The following EPDR1 variants were observed in gnomAD, a reference collection of about 807,000 sequenced individuals.
EPDR1 encodes ependymin related 1, also known as mammalian ependymin-related protein 1.
EPDR1 carries 27 observed loss-of-function variants against 23.7 expected under a neutral mutation model. The observed-to-expected ratio is 1.14, with a 90% CI of 0.84 to 1.57. The LOEUF (loss-of-function observed/expected upper bound fraction) is 1.57. EPDR1 is among the 40% of genes most tolerant of loss of function. The probability of loss-of-function intolerance (pLI) is 0.00; values close to 1 mark genes in which losing one functional copy is unlikely to be tolerated. For synonymous variants in EPDR1, 137 were observed against 118.2 expected, an observed-to-expected ratio of 1.16 and a Z score of -1.03; for missense variants, 349 against 290.4, an observed-to-expected ratio of 1.20 and a Z score of -1.47.
intron 1 of EPDR1, among the ~76,000 whole-genome samples, chr7:37,927,041 G>A (rs1369128071): frequency 3.9e-5 from 6 of 152,172 alleles, no homozygotes; most frequent in Non-Finnish European, 8.8e-5. Flanking sequence ...TTCCGGCACA[G>A]CAAGATATTT....
chr7:37,925,683 T>G (rs1438504328), intron 1 of EPDR1, among the ~76,000 whole-genome samples: 3 of 152,182 alleles, frequency 2.0e-5, no homozygotes, highest in Non-Finnish European at 4.4e-5. Context: ...GTCCTCAACA[T>G]TGCAGAACCT....
At chr7:37,941,531 C>T (rs994552291) in intron 1 of EPDR1, among the ~76,000 whole-genome samples, 1 of 152,132 alleles carries the variant, frequency 6.6e-6, no homozygotes, top group Non-Finnish European at 1.5e-5. Flanking sequence ...CGAAAAGAGC[C>T]TTTAGACTTC....
Position 37,920,691 on chromosome 7 carries a change from A to G in EPDR1, c.-249A>G, listed in dbSNP as rs748156711. On this transcript the variant is annotated 5_prime_UTR_variant, in exon 1 of 3. Coordinates refer to ENST00000199448, the MANE Select transcript of EPDR1 (RefSeq NM_017549.5). The stretch of plus-strand genomic sequence containing the variant: ...GTGGCAGCAGGCAGTGGCAGCAGGC[A>G]GTGGCCCAGGCAGAAATAGCTCCCG... 2 of 1,486,582 alleles carry G rather than the reference A, an allele frequency of 1.3e-6. No homozygotes were observed. The highest frequency in any genetic ancestry group is 4.7e-5 in the East Asian group (2 of 42,468). The allele number at this position is 1,486,582 out of a possible 1,614,324, so 92.1% of individuals were successfully genotyped here.
Position 37,950,650 on chromosome 7 carries a change from T to A in EPDR1, c.*254T>A, listed in dbSNP as rs149521394. On this transcript the variant is annotated 3_prime_UTR_variant, in exon 3 of 3. Transcript: ENST00000199448. ...ATATGGACACTTTGGGTATTTCTAA[T>A]GCCTGTTCAGGGCTGGTTTTCTGCA... 3.7e-4 allele frequency: 170 copies of A among 460,894 alleles called. 1 individual carries two copies. Among genetic ancestry groups the A allele is most frequent in the African/African-American group, 2.9e-3 (151 of 52,066 alleles). The allele number at this position is 460,894 out of a possible 1,614,324, so 28.6% of individuals were successfully genotyped here. A position where few individuals can be genotyped will look rare whatever the true frequency, so the allele number is the denominator to read the frequency against.
Position 37,920,913 on chromosome 7 carries a change from C to G in EPDR1, c.-27C>G, listed in dbSNP as rs1785678604. 5.6e-6 allele frequency: 9 copies of G among 1,610,730 alleles called. No individual in the cohort carries two copies. The highest frequency in any genetic ancestry group is 7.6e-6 in the Non-Finnish European group (9 of 1,179,124). Reference sequence around the variant, plus strand: ...CAGCGCCCCCTTGGGCTTGGGCTTGCCCTCGGGCCGGGGAAGGCTGACCGC... The same window carrying G: ...CAGCGCCCCCTTGGGCTTGGGCTTGGCCTCGGGCCGGGGAAGGCTGACCGC... On this transcript the variant is annotated 5_prime_UTR_variant, in exon 1 of 3. Transcript: ENST00000199448.
In EPDR1 at chr7:37,920,981, G is replaced by T. The variant is rs754882214; in HGVS notation, c.42G>T (p.Leu14=). The T allele has an allele frequency of 3.9e-5, 60 of 1,554,802 alleles. No homozygotes were observed. The highest frequency in any genetic ancestry group is 4.9e-5 in the Non-Finnish European group (56 of 1,153,792). Residue 14 remains leucine (L), a synonymous_variant, in exon 1 of 3, where the codon CTG becomes CTT. Coordinates refer to ENST00000199448, the MANE Select transcript of EPDR1 (RefSeq NM_017549.5). ...CCCTCCGCACCGTCCCGGGCGCCCT[G>T]GGTGCCTGGCTGCTGGGCGGCCTCT... is the stretch of plus-strand genomic sequence containing the variant. ...RAPLRTVPGA[L]GAWLLGGLWA... is the part of the protein sequence containing the mutation.
intron 1 of EPDR1, among the ~76,000 whole-genome samples, chr7:37,923,622 G>C (rs891705951): frequency 6.6e-6 from 1 of 152,128 alleles, no homozygotes; most frequent in Non-Finnish European, 1.5e-5. Context: ...TGCTGAAGCA[G>C]AGGAGTGTGT....
In EPDR1 at chr7:37,921,143, C is replaced by T. The variant is rs778559607; in HGVS notation, c.204C>T (p.Ser68=). ...GGCGCAACAGCCGCGCCCTGCTCTC[C>T]TACGACGGGCTCAACCAGCGCGTGC... ...SSGRNSRALL[S]YDGLNQRVRV... The change falls in exon 1 of 3, where the codon TCC becomes TCT. Residue 68 remains serine (S), a synonymous_variant. Coordinates refer to ENST00000199448, the MANE Select transcript of EPDR1 (RefSeq NM_017549.5). The T allele has an allele frequency of 3.1e-6, 5 of 1,596,728 alleles. No individual in the cohort carries two copies. Among genetic ancestry groups the T allele is most frequent in the Non-Finnish European group, 4.2e-6 (5 of 1,179,030 alleles).
chr7:37,923,601 C>T (rs935839779), intron 1 of EPDR1, among the ~76,000 whole-genome samples: 8 of 151,712 alleles, frequency 5.3e-5, no homozygotes, highest in African/African-American at 1.2e-4. Flanking sequence ...CTGGGATGGC[C>T]GAGAGCACAC....
Position 37,921,163 on chromosome 7 carries a change from G to C in EPDR1, c.224G>C (p.Arg75Pro). ...CTCTCCTACGACGGGCTCAACCAGC[G>C]CGTGCGGGTGCTGGACGAGAGGAAG... ...ALLSYDGLNQ[R>P]VRVLDERKAL... The change falls in exon 1 of 3, where the codon CGC (arginine) becomes CCC (proline). Residue 75 changes from arginine (R) to proline (P), a missense_variant. Physicochemically the swap from Arg to Pro is moderately radical, Grantham distance 103. Coordinates refer to ENST00000199448, the MANE Select transcript of EPDR1 (RefSeq NM_017549.5). The C allele has an allele frequency of 6.3e-7, 1 of 1,594,678 alleles. No homozygotes were observed. Among genetic ancestry groups the C allele is most frequent in the Non-Finnish European group, 8.5e-7 (1 of 1,178,316 alleles).
rs540067696 is a variant in EPDR1, at chr7:37,936,802, C to A, written c.270-12038C>A. Among the ~76,000 whole-genome samples, 4 of 152,092 alleles carry A rather than the reference C, an allele frequency of 2.6e-5. No individual in the cohort carries two copies. The South Asian group carries it at 8.3e-4, about 32-fold the overall frequency. Reference sequence around the variant, plus strand: ...TGTATAGGAAAAAATTTAAACACCCCTTTTTTGGAGTGATAGGATGATTCA... The same window carrying A: ...TGTATAGGAAAAAATTTAAACACCCATTTTTTGGAGTGATAGGATGATTCA... On this transcript the variant is annotated intron_variant, in intron 1 of 2. Coordinates refer to ENST00000199448, the MANE Select transcript of EPDR1 (RefSeq NM_017549.5).
chr7:37,930,614 C>T (rs1259372232), intron 1 of EPDR1, among the ~76,000 whole-genome samples: 3 of 152,224 alleles, frequency 2.0e-5, no homozygotes, highest in African/African-American at 4.8e-5. Flanking sequence ...AGCCCAGCTT[C>T]AGGCACGGCC....
At chr7:37,938,724 G>A (rs902775698) in intron 1 of EPDR1, among the ~76,000 whole-genome samples, 4 of 152,128 alleles carry the variant, frequency 2.6e-5, no homozygotes, top group African/African-American at 7.2e-5. Flanking sequence ...GTTACAATTC[G>A]TAAAAGAAAT....
intron 1 of EPDR1, among the ~76,000 whole-genome samples, chr7:37,930,507 T>C (rs1453015017): frequency 2.0e-5 from 3 of 152,202 alleles, no homozygotes; most frequent in Non-Finnish European, 4.4e-5. Context: ...GCATGGATTG[T>C]GTTTCCTGTA....
At position 37,920,952 on chromosome 7, in the gene EPDR1, G is replaced by C; in HGVS notation, c.13G>C (p.Ala5Pro). 1 of 1,598,548 alleles carries C rather than the reference G, an allele frequency of 6.3e-7. No homozygotes were observed. The highest frequency in any genetic ancestry group is 8.5e-7 in the Non-Finnish European group (1 of 1,174,314). Residue 5 changes from alanine (A) to proline (P), a missense_variant, in exon 1 of 3, where the codon GCT becomes CCT. Coordinates refer to ENST00000199448, the MANE Select transcript of EPDR1 (RefSeq NM_017549.5). ...AAGGCTGACCGCGATGCCAGGACGC[G>C]CTCCCCTCCGCACCGTCCCGGGCGC... MPGR[A>P]PLRTVPGALG...
In EPDR1 at chr7:37,944,238, C is replaced by T. The variant is rs553332866; in HGVS notation, c.270-4602C>T. ...TGCTAGTGCTTCTCTCTGCTTCATT[C>T]TTTAATCCTATTCCATTTGCGTTTT... On this transcript the variant is annotated intron_variant, in intron 1 of 2. Transcript: ENST00000199448. 5.3e-5 allele frequency among the ~76,000 whole-genome samples: 8 copies of T among 152,318 alleles called. No individual in the cohort carries two copies. In the South Asian group the frequency reaches 1.2e-3, roughly 24 times the overall value.
intron 1 of EPDR1, among the ~76,000 whole-genome samples, chr7:37,931,152 TG>T (rs1278805264): frequency 7.9e-5 from 12 of 152,210 alleles, no homozygotes; most frequent in Non-Finnish European, 1.5e-4. Context: ...TGATTTTTTT[TG>T]GTGTATACAA....
chr7:37,921,443 C>A, intron 1 of EPDR1: 1 of 1,379,634 alleles, frequency 7.2e-7, no homozygotes, highest in Non-Finnish European at 9.3e-7. Flanking sequence ...CCCAGCGAGG[C>A]GGTGGCAGGT....
chr7:37,941,917 G>A (rs1271470384), intron 1 of EPDR1, among the ~76,000 whole-genome samples: 1 of 152,112 alleles, frequency 6.6e-6, no homozygotes, highest in Non-Finnish European at 1.5e-5. Flanking sequence ...ACAGTAAAAT[G>A]TAGAGAATTG....
Sources: gnomAD v4.1 joint callset for allele counts (sites outside exome capture counted in the v4.1 genomes callset) on GRCh38, gnomAD v4.1.1 for gene constraint, MANE v1.5 for transcripts, NCBI Gene and HGNC (gene_info 2026-07-23, HGNC 2026-07-21) for gene names.